Variants in C12orf54 observed in about 807,000 individuals in gnomAD.
C12orf54 encodes chromosome 12 open reading frame 54.
In C12orf54, 24 loss-of-function variants were observed where a neutral mutation model predicts 26.4. The ratio of observed to expected loss-of-function variants is 0.91; its 90% CI spans 0.66 to 1.28. The LOEUF is 1.28. Among genes scored for constraint, C12orf54 ranks in the 50% most tolerant of loss-of-function variants. C12orf54 has a pLI of 0.00. For missense variants in C12orf54, 154 were observed against 150.9 expected, an observed-to-expected ratio of 1.02 and a Z score of -0.11; for synonymous variants, 54 against 47.0, an observed-to-expected ratio of 1.15 and a Z score of -0.61.
rs185107059 is a variant in C12orf54, at chr12:48,494,692, G to A, written c.243-106G>A. 1.7e-5 allele frequency: 21 copies of A among 1,222,070 alleles called. 1 individual carries two copies. In the East Asian group the frequency reaches 4.9e-4, roughly 29 times the overall value. The allele number at this position is 1,222,070 out of a possible 1,614,324, so 75.7% of individuals were successfully genotyped here. A position where few individuals can be genotyped will look rare whatever the true frequency, so the allele number is the denominator to read the frequency against. ...CCAGAGCCTGAGATGCCCATTCTTG[G>A]GGGAGTGTAATAATAGAATCTCTAA... On this transcript the variant is annotated intron_variant, in intron 7 of 8. Transcript: ENST00000548364.
rs1937876237 is a variant in C12orf54, at chr12:48,494,867, G to C, written c.312G>C (p.Gln104His). The change falls in exon 8 of 9, where the codon CAG becomes CAC. Residue 104 changes from glutamine (Q) to histidine (H), a missense_variant. Transcript: ENST00000548364. ...GATTGCAGTTCAGCTCTGGAGAGCA[G>C]CCATCAGGAGGCCGTATCCACAACC... ...LRRLQFSSGE[Q>H]PSGGRIHNLK... 5 of 1,613,206 alleles carry C rather than the reference G, an allele frequency of 3.1e-6. No individual in the cohort carries two copies. The South Asian group carries it at 5.5e-5, about 18-fold the overall frequency.
the C12orf54 span, chr12:48,473,691 C>G: frequency 5.0e-6 from 1 of 200,524 alleles, no homozygotes; most frequent in Non-Finnish European, 1.0e-5. Flanking sequence ...TAAGTACACA[C>G]TAAGCATTTG....
chr12:48,470,279 C>T, the C12orf54 span, among the ~76,000 whole-genome samples: 1 of 152,242 alleles, frequency 6.6e-6, no homozygotes, highest in East Asian at 1.9e-4. Flanking sequence ...AACTGCTTTC[C>T]ACAGTGGCTG....
chr12:48,476,691 G>T, the C12orf54 span, among the ~76,000 whole-genome samples: 1 of 152,068 alleles, frequency 6.6e-6, no homozygotes. Context: ...AACAAGAAGA[G>T]CTAACTATCC....
chr12:48,460,243 A>G, the C12orf54 span, among the ~76,000 whole-genome samples: 1 of 152,124 alleles, frequency 6.6e-6, no homozygotes, highest in African/African-American at 2.4e-5. Flanking sequence ...TTGTTATAGA[A>G]ACCCAAGTCA....
chr12:48,480,695 C>A (rs1326121704), upstream of C12orf54, among the ~76,000 whole-genome samples: 1 of 152,134 alleles, frequency 6.6e-6, no homozygotes, highest in East Asian at 1.9e-4. Context: ...ACCCATCAAT[C>A]TCATTACTTT....
chr12:48,479,401 T>A (rs1045242870), upstream of C12orf54, among the ~76,000 whole-genome samples: 5 of 152,070 alleles, frequency 3.3e-5, no homozygotes, highest in African/African-American at 1.2e-4. Flanking sequence ...TTAGGAGATA[T>A]ACCTAATGCT....
the C12orf54 span, among the ~76,000 whole-genome samples, chr12:48,435,595 G>A: frequency 6.6e-6 from 1 of 152,162 alleles, no homozygotes; most frequent in African/African-American, 2.4e-5. Context: ...GAAGAGAGTG[G>A]GGGCCAATAT....
the C12orf54 span, among the ~76,000 whole-genome samples, chr12:48,451,746 A>G: frequency 6.6e-6 from 1 of 152,158 alleles, no homozygotes; most frequent in Admixed American, 6.6e-5. Context: ...CACAATTGCC[A>G]TAATGAATAA....
the C12orf54 span, among the ~76,000 whole-genome samples, chr12:48,419,746 A>T: frequency 6.6e-6 from 1 of 152,006 alleles, no homozygotes; most frequent in Non-Finnish European, 1.5e-5. Flanking sequence ...GGCTGACATA[A>T]CTCTTGTTAT....
the C12orf54 span, among the ~76,000 whole-genome samples, chr12:48,422,604 A>G: frequency 6.6e-6 from 1 of 152,170 alleles, no homozygotes; most frequent in African/African-American, 2.4e-5. Flanking sequence ...ACAGGAAAAC[A>G]TACTCATTCA....
the C12orf54 span, among the ~76,000 whole-genome samples, chr12:48,475,081 C>T: frequency 9.2e-5 from 14 of 152,284 alleles, no homozygotes; most frequent in East Asian, 3.9e-4. Context: ...TCAGCATTTG[C>T]GGTTCACCAA....
rs757593084 is a variant in C12orf54, at chr12:48,483,354, C to A, written c.58C>A (p.Gln20Lys). 1 of 1,613,810 alleles carries A rather than the reference C, an allele frequency of 6.2e-7. No homozygotes were observed. Among genetic ancestry groups the A allele is most frequent in the Non-Finnish European group, 8.5e-7 (1 of 1,179,828 alleles). Residue 20 changes from glutamine (Q) to lysine (K), a missense_variant, in exon 2 of 9, where the codon CAG becomes AAG. Transcript: ENST00000548364. ...AAAGGTAGAAATGACCTCCAAGCAG[C>A]AGAGAAGGTAATGGGGCTAATGATG... ...EQKVEMTSKQ[Q>K]RSTSIEETMR...
the C12orf54 span, among the ~76,000 whole-genome samples, chr12:48,425,112 A>T: frequency 6.6e-6 from 1 of 152,086 alleles, no homozygotes; most frequent in Non-Finnish European, 1.5e-5. Context: ...TCAGGGGTAC[A>T]TGTGCAGGTT....
At chr12:48,489,443 T>C (rs1000687026) in intron 5 of C12orf54, 2 of 232,318 alleles carry the variant, frequency 8.6e-6, no homozygotes, top group African/African-American at 2.4e-5. Context: ...CTCTCTCTCT[T>C]TGAGACAGGG....
At chr12:48,421,446 G>T in the C12orf54 span, among the ~76,000 whole-genome samples, 2 of 149,026 alleles carry the variant, frequency 1.3e-5, no homozygotes, top group East Asian at 4.0e-4. Context: ...CCAACATTGG[G>T]AATTACAGTT....
intron 2 of C12orf54, 86 bp downstream of exon 2, chr12:48,483,447 T>A (rs1954222480): frequency 1.5e-6 from 2 of 1,299,558 alleles, no homozygotes; most frequent in South Asian, 2.7e-5. Flanking sequence ...CTTCTATGGC[T>A]CTTCATTTGG....
At chr12:48,435,016 A>C in the C12orf54 span, among the ~76,000 whole-genome samples, 2 of 152,210 alleles carry the variant, frequency 1.3e-5, no homozygotes, top group Non-Finnish European at 2.9e-5. Flanking sequence ...ACTTTGAAAA[A>C]AAATTAGACG....
At chr12:48,431,967 A>G in the C12orf54 span, among the ~76,000 whole-genome samples, 1 of 152,200 alleles carries the variant, frequency 6.6e-6, no homozygotes, top group East Asian at 1.9e-4. Context: ...ATTGTGATGT[A>G]TAAATTATAA....
Sources: allele counts gnomAD v4.1 joint callset (sites outside exome capture counted in the v4.1 genomes callset), GRCh38; gene constraint gnomAD v4.1.1; transcripts MANE v1.5; gene names NCBI Gene and HGNC (gene_info 2026-07-23, HGNC 2026-07-21).